Variants in ABCB5 observed in about 807,000 individuals in gnomAD.
ABCB5 encodes the protein ATP binding cassette subfamily B member 5, also known as ATP-binding cassette sub-family B member 5.
ABCB5 carries 155 observed loss-of-function variants against 144.2 expected under a neutral mutation model. That is an observed-to-expected ratio of 1.08 (90% CI 0.94 to 1.23). The LOEUF is 1.23. Among genes scored for constraint, ABCB5 ranks in the 50% most tolerant of loss-of-function variants. The probability of loss-of-function intolerance (pLI) is 0.00; values close to 1 mark genes in which losing one functional copy is unlikely to be tolerated. For synonymous variants in ABCB5, 610 were observed against 528.6 expected (o/e 1.15, Z -2.11); for missense variants, 1,830 against 1,520.8 (o/e 1.20, Z -3.38).
chr7:20,694,766 T>C (rs1191653290), intron 16 of ABCB5, among the ~76,000 whole-genome samples: 6 of 151,952 alleles, frequency 3.9e-5, no homozygotes, highest in African/African-American at 1.2e-4. Flanking sequence ...TATGTGACAA[T>C]ATACTAAAAT....
chr7:20,722,208 G>A (rs1007414063), intron 20 of ABCB5, among the ~76,000 whole-genome samples: 2 of 152,126 alleles, frequency 1.3e-5, no homozygotes. Context: ...GAGATGGCAG[G>A]GTGTTAGTAT....
rs377724117 is a variant in ABCB5, at chr7:20,646,080, A to G, written c.923A>G (p.Tyr308Cys). 22 of 1,613,682 alleles carry G rather than the reference A, an allele frequency of 1.4e-5. No homozygotes were observed. Among genetic ancestry groups the G allele is most frequent in the Non-Finnish European group, 1.8e-5 (21 of 1,179,766 alleles). ...GGAACCTATGGACTTGCTTTTTGGT[A>G]TGGAACCTCCTTGATTCTTAATGGA... ...MNGTYGLAFW[Y>C]GTSLILNGEP... Residue 308 changes from tyrosine (Y) to cysteine (C), a missense_variant, in exon 9 of 28, where the codon TAT becomes TGT. By Grantham distance (194) the Tyr-to-Cys change is radical (BLOSUM62 -2). Coordinates refer to ENST00000404938, the MANE Select transcript of ABCB5 (RefSeq NM_001163941.2).
At chr7:20,676,309 G>C (rs557432963) in intron 14 of ABCB5, among the ~76,000 whole-genome samples, 3 of 150,336 alleles carry the variant, frequency 2.0e-5, no homozygotes, top group South Asian at 4.1e-4. Flanking sequence ...CATGCTCATT[G>C]CATCATTATT....
chr7:20,621,479 C>A (rs534708464), intron 1 of ABCB5, among the ~76,000 whole-genome samples: 1 of 152,182 alleles, frequency 6.6e-6, no homozygotes, highest in Non-Finnish European at 1.5e-5. Flanking sequence ...CTCTTGGGAC[C>A]ATTCTGAGTA....
intron 14 of ABCB5, among the ~76,000 whole-genome samples, chr7:20,660,548 G>A (rs2128030699): frequency 6.6e-6 from 1 of 152,276 alleles, no homozygotes; most frequent in Non-Finnish European, 1.5e-5. Context: ...CAGGCAGGGT[G>A]ATGGAAGCTG....
rs774478921 is a variant in ABCB5, at chr7:20,650,117, G to A, written c.1302G>A (p.Leu434=). 1.2e-6 allele frequency: 2 copies of A among 1,613,614 alleles called. No individual in the cohort carries two copies. Among genetic ancestry groups the A allele is most frequent in the East Asian group, 2.2e-5 (1 of 44,874 alleles). Residue 434 remains leucine, a synonymous_variant, in exon 12 of 28, where the codon CTG becomes CTA. Coordinates refer to ENST00000404938, the MANE Select transcript of ABCB5 (RefSeq NM_001163941.2). ...GGAAGAGTACGGTAGTCCAGCTTCTGCAGAGGTTATATGATCCGGATGATG... is the reference window on the plus strand; with the variant it reads ...GGAAGAGTACGGTAGTCCAGCTTCTACAGAGGTTATATGATCCGGATGATG... ...GSGKSTVVQL[L]QRLYDPDDGF... is the part of the protein sequence containing the mutation.
chr7:20,752,361 A>G (rs576234367), intron 26 of ABCB5, among the ~76,000 whole-genome samples: 14 of 152,302 alleles, frequency 9.2e-5, no homozygotes, highest in Non-Finnish European at 1.6e-4. Context: ...TGCTTACCCC[A>G]ACTGTACTGA....
At chr7:20,739,718 T>G (rs949864657) in intron 24 of ABCB5, among the ~76,000 whole-genome samples, 4 of 151,306 alleles carry the variant, frequency 2.6e-5, no homozygotes, top group Non-Finnish European at 4.4e-5. Context: ...GGTTTATTTG[T>G]TTTTTTTTCT....
chr7:20,662,022 A>G (rs1785020026), intron 14 of ABCB5, among the ~76,000 whole-genome samples: 1 of 152,212 alleles, frequency 6.6e-6, no homozygotes, highest in Non-Finnish European at 1.5e-5. Context: ...CCCCACTAGT[A>G]GGAGACATGG....
At chr7:20,717,972 G>A (rs1562576986) in intron 20 of ABCB5, among the ~76,000 whole-genome samples, 6 of 119,040 alleles carry the variant, frequency 5.0e-5, no homozygotes, top group Admixed American at 4.8e-4. Flanking sequence ...CGCAATCTCG[G>A]CTCATTGCAA....
At chr7:20,738,160 CA>C (rs1284827395) in intron 23 of ABCB5, among the ~76,000 whole-genome samples, 79 of 152,276 alleles carry the variant, frequency 5.2e-4, no homozygotes, top group African/African-American at 1.9e-3. Context: ...TAAATATTGC[CA>C]GCGACACTGG....
At chr7:20,667,313 A>C (rs1454140063) in intron 14 of ABCB5, 2 of 984,730 alleles carry the variant, frequency 2.0e-6, no homozygotes, top group South Asian at 4.7e-5. Flanking sequence ...GAGAAGAGAT[A>C]TATATTAAAA....
intron 14 of ABCB5, among the ~76,000 whole-genome samples, chr7:20,663,705 A>G (rs987852938): frequency 1.5e-5 from 2 of 137,704 alleles, no homozygotes; most frequent in Non-Finnish European, 3.1e-5. Context: ...TGCAAATTTT[A>G]TGTTAGGCTT....
rs542413621 is a variant in ABCB5, at chr7:20,681,526, A to G, written c.1729A>G (p.Ile577Val). ...LEKASKGRTT[I>V]VVAHRLSTIR... ...GTAGGCGAGCAAAGGTCGGACTACAATCGTGGTAGCACACCGACTTTCTAC... is the reference window on the plus strand; with the variant it reads ...GTAGGCGAGCAAAGGTCGGACTACAGTCGTGGTAGCACACCGACTTTCTAC... The change falls in exon 15 of 28, where the codon ATC becomes GTC. Residue 577 changes from isoleucine to valine, a missense_variant. Coordinates refer to ENST00000404938, the MANE Select transcript of ABCB5 (RefSeq NM_001163941.2). 2.5e-6 allele frequency: 4 copies of G among 1,614,220 alleles called. No homozygotes were observed. Among genetic ancestry groups the G allele is most frequent in the African/African-American group, 2.7e-5 (2 of 75,062 alleles).
At chr7:20,625,386 G>C (rs1369147564) in intron 2 of ABCB5, among the ~76,000 whole-genome samples, 3 of 151,276 alleles carry the variant, frequency 2.0e-5, no homozygotes, top group African/African-American at 7.3e-5. Flanking sequence ...GCGCGTGCAT[G>C]TGTGTGTGTG....
intron 14 of ABCB5, among the ~76,000 whole-genome samples, chr7:20,675,971 T>G (rs1244772007): frequency 6.6e-6 from 1 of 151,988 alleles, no homozygotes. Flanking sequence ...CACAATGAGA[T>G]ATCTCACACC....
intron 5 of ABCB5, among the ~76,000 whole-genome samples, chr7:20,637,793 T>C (rs1339723724): frequency 2.6e-5 from 4 of 152,218 alleles, no homozygotes; most frequent in Admixed American, 1.3e-4. Context: ...GTATCTAGCA[T>C]AACCTACTTG....
chr7:20,738,889 T>A, intron 23 of ABCB5, 94 bp from the exon 24 acceptor site: 1 of 1,364,402 alleles, frequency 7.3e-7, no homozygotes, highest in Non-Finnish European at 9.7e-7. Flanking sequence ...CAAAAGATTA[T>A]ATTCCTGTGC....
intron 14 of ABCB5, chr7:20,667,684 CCCCTGCCCCTGCCCCTGCCCCTG>C (rs1785245091): frequency 5.4e-4 from 1 of 1,848 alleles, no homozygotes; most frequent in Non-Finnish European, 9.0e-4. Flanking sequence ...CCTGCCCCTG[CCCCTGCCCCTGCCCCTGCCCCTG>C]CCCCTGCCCC....
Sources: gnomAD v4.1 joint callset for allele counts (sites outside exome capture counted in the v4.1 genomes callset) on GRCh38, gnomAD v4.1.1 for gene constraint, MANE v1.5 for transcripts, NCBI Gene and HGNC (gene_info 2026-07-23, HGNC 2026-07-21) for gene names.